Variants in SPEN observed in about 807,000 individuals in gnomAD.
SPEN encodes msx2-interacting protein.
A neutral mutation model predicts 269.9 loss-of-function variants in SPEN; 18 were observed. The ratio of observed to expected loss-of-function variants is 0.07; its 90% confidence interval spans 0.05 to 0.10. SPEN has a LOEUF of 0.10. SPEN is among the 10% of genes least tolerant of loss of function. SPEN has a pLI of 1.00. For missense variants in SPEN, 3,822 were observed against 4,631.2 expected (o/e 0.83, Z 5.07); for synonymous variants, 1,726 against 1,765.7 (o/e 0.98, Z 0.56).
chr1:15,926,259 T>C (rs1570054935), intron 10 of SPEN, among the ~76,000 whole-genome samples: 1 of 151,652 alleles, frequency 6.6e-6, no homozygotes, highest in South Asian at 2.1e-4. Context: ...TGGCCAAGCG[T>C]GGTGGCGCAT....
In SPEN at chr1:15,930,638, T is replaced by C. The variant is rs1287778627; in HGVS notation, c.4398T>C (p.Asp1466=). Residue 1466 remains aspartate (D), a synonymous_variant, in exon 11 of 15, where the codon GAT becomes GAC. Coordinates refer to ENST00000375759, the MANE Select transcript of SPEN (RefSeq NM_015001.3). This position sits in a 1 kb window ranked among gnomAD's most constrained non-coding sequence, Gnocchi z 5.3. The part of the protein sequence containing the change: ...SSREENWSFL[D]WDSRFANFRN... ...GTGAAGAAAATTGGTCTTTTCTTGA[T>C]TGGGACTCCCGATTTGCAAATTTTC... The C allele has an allele frequency of 2.5e-6, 4 of 1,614,196 alleles. No homozygotes were observed. Among genetic ancestry groups the C allele is most frequent in the Admixed American group, 1.7e-5 (1 of 60,020 alleles).
intron 6 of SPEN, 118 bp from the exon 7 acceptor site, chr1:15,918,808 A>T: frequency 1.3e-6 from 1 of 780,956 alleles, no homozygotes; most frequent in Non-Finnish European, 2.0e-6. Flanking sequence ...TTTTTTAACT[A>T]AGTAAATGAT....
intron 3 of SPEN, among the ~76,000 whole-genome samples, chr1:15,877,908 C>A (rs2070647711): frequency 6.6e-6 from 1 of 151,494 alleles, no homozygotes; most frequent in Non-Finnish European, 1.5e-5. Flanking sequence ...CCATGCCAGG[C>A]CAATTTTTGT....
Position 15,848,243 on chromosome 1 carries a change from TGAG to T in SPEN, c.83+99_83+101del, listed in dbSNP as rs950728240. ...GGCCCCTCCCGGAGCGCGGAGCTGG[TGAG>T]GAGGACTCCGGCCCGGACCCACGGG... On this transcript the variant is annotated intron_variant, in intron 1 of 14. Coordinates refer to ENST00000375759, the MANE Select transcript of SPEN (RefSeq NM_015001.3). This position sits in a 1 kb window ranked among gnomAD's most constrained non-coding sequence, Gnocchi z 5.1. 4.5e-6 allele frequency: 4 copies of T among 894,582 alleles called. No homozygotes were observed. In the African/African-American group the frequency reaches 7.1e-5, roughly 16 times the overall value. The allele number at this position is 894,582 out of a possible 1,614,324, so 55.4% of individuals were successfully genotyped here.
chr1:15,889,167 T>TC (rs1553176689), intron 3 of SPEN, among the ~76,000 whole-genome samples: 4 of 149,252 alleles, frequency 2.7e-5, no homozygotes, highest in Admixed American at 6.7e-5. Context: ...TTCTTTTCTT[T>TC]TTTTTTTTTT....
chr1:15,868,714 G>A (rs566223110), intron 1 of SPEN, among the ~76,000 whole-genome samples: 75 of 152,294 alleles, frequency 4.9e-4, no homozygotes, highest in African/African-American at 1.6e-3. Context: ...GATTACAGGC[G>A]TGAGCCACCG....
At position 15,919,443 on chromosome 1, in the gene SPEN, C is replaced by T. The variant is rs2071095966; in HGVS notation, c.1561C>T (p.Leu521=). The T allele has an allele frequency of 6.2e-7, 1 of 1,608,186 alleles. No individual in the cohort carries two copies. Among genetic ancestry groups the T allele is most frequent in the Non-Finnish European group, 8.5e-7 (1 of 1,179,158 alleles). ...GAGCATGCCTACAAACTGCGTGTGG[C>T]TAGATGGGCTTTCTTCGAATGTGTC... is the stretch of plus-strand genomic sequence containing the variant. ...GKSMPTNCVW[L]DGLSSNVSDQ... The change falls in exon 8 of 15, where the codon CTA becomes TTA. Residue 521 remains leucine, a synonymous_variant. Coordinates refer to ENST00000375759, the MANE Select transcript of SPEN (RefSeq NM_015001.3).
intron 13 of SPEN, 74 bp downstream of exon 13, chr1:15,938,080 A>G (rs2071295395): frequency 7.6e-7 from 1 of 1,321,174 alleles, no homozygotes; most frequent in Admixed American, 2.3e-5. Flanking sequence ...CTGCCAGCCC[A>G]TCTCCCTGGC....
Position 15,937,727 on chromosome 1 carries a change from C to T in SPEN, c.10509+82C>T. ...GTCCTAAGATTCCCTAGTTAACAGA[C>T]CCACAAGCTACAGCCTCTGGCTGTG... On this transcript the variant is annotated intron_variant, in intron 12 of 14. Transcript: ENST00000375759. The surrounding 1 kb of genome is among the most constrained non-coding windows in gnomAD (Gnocchi z 5.7). 2 of 1,606,246 alleles carry T rather than the reference C, an allele frequency of 1.2e-6. No individual in the cohort carries two copies. Among genetic ancestry groups the T allele is most frequent in the East Asian group, 2.2e-5 (1 of 44,762 alleles).
rs1395954224 is a variant in SPEN at position 15,847,967 on chromosome 1, G to C, written c.-101G>C. On this transcript the variant is annotated 5_prime_UTR_variant, in exon 1 of 15. Transcript: ENST00000375759. Reference sequence around the variant, plus strand: ...CGCTGCCGACGCCACCGCCGCAGCCGCCGCCGCCGCCGCCCCGGCACCCGC... The same window carrying C: ...CGCTGCCGACGCCACCGCCGCAGCCCCCGCCGCCGCCGCCCCGGCACCCGC... 1 of 675,956 alleles carries C rather than the reference G, an allele frequency of 1.5e-6. No individual in the cohort carries two copies. Among genetic ancestry groups the C allele is most frequent in the Non-Finnish European group, 2.1e-6 (1 of 483,920 alleles). 41.9% of individuals were successfully genotyped at this position (675,956 alleles called of 1,614,324 possible).
chr1:15,891,476 C>T (rs576369746), intron 3 of SPEN, among the ~76,000 whole-genome samples: 24 of 151,830 alleles, frequency 1.6e-4, no homozygotes, highest in African/African-American at 5.3e-4. Flanking sequence ...CTCAGCCTCC[C>T]GAGTAGCTGG....
In SPEN at chr1:15,933,916, C is replaced by T. The variant is rs752214884; in HGVS notation, c.7676C>T (p.Ala2559Val). 11 of 1,614,054 alleles carry T rather than the reference C, an allele frequency of 6.8e-6. No homozygotes were observed. The highest frequency in any genetic ancestry group is 2.2e-5 in the South Asian group (2 of 91,088). ...VTSTSVTTAIAEPVSAAPCLH... is the reference protein window; with the variant it reads ...VTSTSVTTAIVEPVSAAPCLH... Reference sequence around the variant, plus strand: ...TCCACAAGTGTCACCACAGCCATTGCAGAGCCTGTCAGTGCTGCCCCTTGC... The same window carrying T: ...TCCACAAGTGTCACCACAGCCATTGTAGAGCCTGTCAGTGCTGCCCCTTGC... The change falls in exon 11 of 15, where the codon GCA becomes GTA. Residue 2559 changes from alanine to valine, a missense_variant. Ala to Val is a moderately conservative substitution (Grantham distance 64). Coordinates refer to ENST00000375759, the MANE Select transcript of SPEN (RefSeq NM_015001.3). The surrounding 1 kb of genome is among the most constrained non-coding windows in gnomAD (Gnocchi z 5.7).
At chr1:15,850,804 G>A (rs1022856629) in intron 1 of SPEN, among the ~76,000 whole-genome samples, 1 of 152,164 alleles carries the variant, frequency 6.6e-6, no homozygotes, top group East Asian at 1.9e-4. Flanking sequence ...AAATGAAATG[G>A]TATTCACTTC....
At chr1:15,879,538 A>G (rs1196177713) in intron 3 of SPEN, among the ~76,000 whole-genome samples, 1 of 152,168 alleles carries the variant, frequency 6.6e-6, no homozygotes, top group Non-Finnish European at 1.5e-5. Context: ...CCTGGGGAGT[A>G]AATTACAATA....
intron 1 of SPEN, among the ~76,000 whole-genome samples, chr1:15,849,501 C>G (rs994994193): frequency 6.6e-6 from 1 of 152,052 alleles, no homozygotes; most frequent in African/African-American, 2.4e-5. Flanking sequence ...GAAAAGGAGC[C>G]GGGAATCGTG....
At position 15,919,536 on chromosome 1, in the gene SPEN, T is replaced by TA. The variant is rs1156424124; in HGVS notation, c.1635+20dup. The stretch of plus-strand genomic sequence containing the variant: ...GGTAAAGGTAGGCGGGAGGTTTTGG[T>TA]ATGTGGTTCAGACTTCTGACTCACT... On this transcript the variant is annotated intron_variant, in intron 8 of 14. Transcript: ENST00000375759. 3.3e-6 allele frequency: 5 copies of TA among 1,527,704 alleles called. No homozygotes were observed. Among genetic ancestry groups the TA allele is most frequent in the Non-Finnish European group, 4.5e-6 (5 of 1,123,108 alleles). The allele number at this position is 1,527,704 out of a possible 1,614,324, so 94.6% of individuals were successfully genotyped here.
chr1:15,873,294 G>A lies in SPEN; in HGVS notation c.404+158G>A, dbSNP rs117023538. ...GAAGTGATTTATATCCCAATGGCTG[G>A]TATCTTATGGAATCGTAGAGGATAT... On this transcript the variant is annotated intron_variant, in intron 2 of 14. Coordinates refer to ENST00000375759, the MANE Select transcript of SPEN (RefSeq NM_015001.3). 7.9e-4 allele frequency: 783 copies of A among 985,394 alleles called. 27 individuals are homozygous for A. The East Asian group carries it at 0.059, about 75-fold the overall frequency. The allele number at this position is 985,394 out of a possible 1,614,324, so 61.0% of individuals were successfully genotyped here.
intron 3 of SPEN, 42 bp downstream of exon 3, chr1:15,876,720 A>C: frequency 2.1e-6 from 3 of 1,422,150 alleles, no homozygotes; most frequent in Non-Finnish European, 2.9e-6. Context: ...AGCTAGCTTT[A>C]AACAAATTCT....
At chr1:15,914,351 T>C (rs958283482) in intron 5 of SPEN, among the ~76,000 whole-genome samples, 5 of 152,188 alleles carry the variant, frequency 3.3e-5, no homozygotes, top group Admixed American at 3.3e-4. Flanking sequence ...TTCAGTAAAG[T>C]TGATTAAATA....
Sources: allele counts gnomAD v4.1 joint callset (sites outside exome capture counted in the v4.1 genomes callset), GRCh38; gene constraint gnomAD v4.1.1; non-coding constraint Gnocchi (gnomAD v3.1); transcripts MANE v1.5; gene names NCBI Gene and HGNC (gene_info 2026-07-23, HGNC 2026-07-21).